TECTA: variants seen among roughly 807,000 people sequenced by gnomAD.
TECTA encodes tectorin alpha, also known as alpha-tectorin.
In TECTA, 128 loss-of-function variants were observed where a neutral mutation model predicts 216.8. That is an observed-to-expected ratio of 0.59 (90% CI 0.51 to 0.68). TECTA has a LOEUF of 0.68. TECTA is among the 30% of genes least tolerant of loss of function. The pLI is 0.00. For synonymous variants in TECTA, 1,089 were observed against 1,117.1 expected, an observed-to-expected ratio of 0.97 and a Z score of 0.50; for missense variants, 2,551 against 2,786.2, an observed-to-expected ratio of 0.92 and a Z score of 1.90.
In TECTA at chr11:121,180,194, G is replaced by A. The variant is rs556539433; in HGVS notation, c.6000-7638G>A. ...AGTAACATTTGACTCCTTCTCTTTC[G>A]GTTTTGTGTATATGATCTGCCATTG... On this transcript the variant is annotated intron_variant, in intron 20 of 23. Coordinates refer to ENST00000392793, the MANE Select transcript of TECTA (RefSeq NM_005422.4). Among the ~76,000 whole-genome samples, 1,199 of 151,490 alleles carry A rather than the reference G, an allele frequency of 7.9e-3. 22 individuals carry two copies. Among genetic ancestry groups the A allele is most frequent in the African/African-American group, 0.026 (1,066 of 41,390 alleles).
intron 23 of TECTA, among the ~76,000 whole-genome samples, chr11:121,190,292 T>C (rs947000784): frequency 5.3e-5 from 8 of 152,184 alleles, no homozygotes; most frequent in Non-Finnish European, 8.8e-5. Flanking sequence ...TGAGATGGAG[T>C]CTCGCTCTGT....
Position 121,113,250 on chromosome 11 carries a change from C to G in TECTA, c.624+41C>G. The G allele has an allele frequency of 6.2e-7, 1 of 1,613,124 alleles. No homozygotes were observed. The highest frequency in any genetic ancestry group is 8.5e-7 in the Non-Finnish European group (1 of 1,179,996). On this transcript the variant is annotated intron_variant, in intron 5 of 23. Transcript: ENST00000392793. This position sits in a 1 kb window ranked among gnomAD's most constrained non-coding sequence, Gnocchi z 4.2. ...CTTCATCCCCCGCGTGTTTCCGTCG[C>G]TGCACTCTCTGCTTCTGTGGCTCAG...
chr11:121,177,041 C>A (rs1360451980), intron 20 of TECTA, among the ~76,000 whole-genome samples: 1 of 152,240 alleles, frequency 6.6e-6, no homozygotes, highest in East Asian at 1.9e-4. Flanking sequence ...CCTTTACACA[C>A]TTCTCTGTAT....
chr11:121,189,018 G>A (rs924028272), intron 21 of TECTA, 62 bp from the exon 22 acceptor site: 2 of 1,554,706 alleles, frequency 1.3e-6, no homozygotes, highest in Non-Finnish European at 1.8e-6. Flanking sequence ...GGTGAAACAT[G>A]GTGAAGAATA....
At chr11:121,164,165 T>C (rs1591462274) in intron 16 of TECTA, among the ~76,000 whole-genome samples, 1 of 152,158 alleles carries the variant, frequency 6.6e-6, no homozygotes, top group African/African-American at 2.4e-5. Context: ...CCTGTGTGTG[T>C]GGGTATGTGT....
intron 12 of TECTA, among the ~76,000 whole-genome samples, chr11:121,152,333 C>T (rs1325043384): frequency 6.6e-6 from 1 of 152,212 alleles, no homozygotes; most frequent in East Asian, 1.9e-4. Context: ...TGATAAGCTG[C>T]TGGCTTAGAA....
chr11:121,157,367 G>T (rs762720916), intron 13 of TECTA, among the ~76,000 whole-genome samples: 15 of 152,074 alleles, frequency 9.9e-5, no homozygotes, highest in Non-Finnish European at 1.9e-4. Context: ...CAGTTTGGGA[G>T]GCTGAGGCAG....
intron 21 of TECTA, 52 bp from the exon 22 acceptor site, chr11:121,189,027 TA>T: frequency 6.3e-7 from 1 of 1,582,430 alleles, no homozygotes; most frequent in Non-Finnish European, 8.7e-7. Flanking sequence ...TGGTGAAGAA[TA>T]AGTTATCAGC....
intron 20 of TECTA, among the ~76,000 whole-genome samples, chr11:121,177,785 A>T (rs538866482): frequency 6.6e-6 from 1 of 152,324 alleles, no homozygotes; most frequent in East Asian, 1.9e-4. Context: ...CCAGAGGTGG[A>T]GCCTACAGAG....
In TECTA at chr11:121,146,083, A is replaced by T; in HGVS notation, c.4072A>T (p.Thr1358Ser). ...YASTCQTQGI[T>S]VTGWRNYTSC... ...CAGCACCTGCCAGACTCAGGGGATT[A>T]CGGTGACTGGCTGGAGGAATTACAC... Residue 1358 changes from threonine to serine, a missense_variant, in exon 12 of 24, where the codon ACG (threonine) becomes TCG (serine). Coordinates refer to ENST00000392793, the MANE Select transcript of TECTA (RefSeq NM_005422.4). 6.2e-7 allele frequency: 1 copy of T among 1,611,936 alleles called. No homozygotes were observed. The highest frequency in any genetic ancestry group is 8.5e-7 in the Non-Finnish European group (1 of 1,180,026).
intron 20 of TECTA, among the ~76,000 whole-genome samples, chr11:121,172,051 A>C (rs1947117659): frequency 6.6e-6 from 1 of 152,162 alleles, no homozygotes; most frequent in Non-Finnish European, 1.5e-5. Flanking sequence ...TATGACCTTC[A>C]TTATGTTGAG....
intron 13 of TECTA, among the ~76,000 whole-genome samples, 164 bp downstream of exon 13, chr11:121,153,244 A>G (rs2135115388): frequency 7.1e-6 from 1 of 141,158 alleles, no homozygotes; most frequent in African/African-American, 2.7e-5. Context: ...CACACTGTTC[A>G]GGTGATGCTC....
Position 121,174,099 on chromosome 11 carries a change from A to G in TECTA, c.5999+5174A>G, listed in dbSNP as rs867596697. Among the ~76,000 whole-genome samples, 871 of 152,260 alleles carry G rather than the reference A, an allele frequency of 5.7e-3. 6 individuals are homozygous for G. The highest frequency in any genetic ancestry group is 0.041 in the Middle Eastern group (12 of 292). On this transcript the variant is annotated intron_variant, in intron 20 of 23. Transcript: ENST00000392793. ...CTTAAGGAGATTTTGGGCTGAGACA[A>G]TGGGGTTTTCTAGATATACAATCAT...
chr11:121,181,100 A>G (rs941826946), intron 20 of TECTA, among the ~76,000 whole-genome samples: 5 of 152,068 alleles, frequency 3.3e-5, no homozygotes, highest in Non-Finnish European at 5.9e-5. Context: ...AGGAGGCAGA[A>G]GTTGCAGTGA....
At position 121,118,604 on chromosome 11, in the gene TECTA, G is replaced by T. The variant is rs145913741; in HGVS notation, c.1089G>T (p.Val363=). Reference sequence around the variant, plus strand: ...CTTCCAGCCTCCCTTTCTTCAGTGTGGAGGCCAAGAATGAACACCGCAGAG... The same window carrying T: ...CTTCCAGCCTCCCTTTCTTCAGTGTTGAGGCCAAGAATGAACACCGCAGAG... ...LQTSSLPFFS[V]EAKNEHRRGS... is the part of the protein sequence containing the mutation. The change falls in exon 7 of 24, where the codon GTG becomes GTT. Residue 363 remains valine (V), a synonymous_variant. Coordinates refer to ENST00000392793, the MANE Select transcript of TECTA (RefSeq NM_005422.4). 155 of 1,614,058 alleles carry T rather than the reference G, an allele frequency of 9.6e-5. No individual in the cohort carries two copies. The highest frequency in any genetic ancestry group is 1.2e-4 in the Non-Finnish European group (146 of 1,180,044).
intron 12 of TECTA, 28 bp downstream of exon 12, chr11:121,146,144 T>C: frequency 6.3e-7 from 1 of 1,599,740 alleles, no homozygotes; most frequent in Non-Finnish European, 8.5e-7. Flanking sequence ...TCCCTCCTTG[T>C]AGCTTCTCCT....
intron 11 of TECTA, among the ~76,000 whole-genome samples, chr11:121,144,764 G>T (rs531470844): frequency 2.0e-5 from 3 of 152,130 alleles, no homozygotes; most frequent in South Asian, 4.2e-4. Context: ...GTGCCTGGGG[G>T]GTAATGAGGG....
chr11:121,109,678 C>G (rs1175872841), intron 4 of TECTA, 180 bp downstream of exon 4: 4 of 678,686 alleles, frequency 5.9e-6, no homozygotes, highest in Admixed American at 2.5e-5. Context: ...GTTAACCAGC[C>G]CAGTCAGCTG....
chr11:121,131,170 C>T lies in TECTA; in HGVS notation c.2941+959C>T, dbSNP rs1042217041. ...CGGAGCTTGCAGTGAGCCCAGATCA[C>T]GCCACTGCACTCCAGCCTGGGCGAC... On this transcript the variant is annotated intron_variant, in intron 10 of 23. Coordinates refer to ENST00000392793, the MANE Select transcript of TECTA (RefSeq NM_005422.4). Among the ~76,000 whole-genome samples, 20 of 146,904 alleles carry T rather than the reference C, an allele frequency of 1.4e-4. No homozygotes were observed. In the East Asian group the frequency reaches 3.2e-3, roughly 24 times the overall value.
Sources: allele counts gnomAD v4.1 joint callset (sites outside exome capture counted in the v4.1 genomes callset), GRCh38; gene constraint gnomAD v4.1.1; non-coding constraint Gnocchi (gnomAD v3.1); transcripts MANE v1.5; gene names NCBI Gene and HGNC (gene_info 2026-07-23, HGNC 2026-07-21).